GMPS: variants seen among roughly 807,000 people sequenced by gnomAD.
GMPS encodes the protein GMP synthase [glutamine-hydrolyzing].
Under a neutral mutation model 77.9 loss-of-function variants are expected in GMPS, and 15 were observed. The observed-to-expected ratio is 0.19, with a 90% CI of 0.13 to 0.30. The LOEUF (loss-of-function observed/expected upper bound fraction) is 0.30. Among genes scored for constraint, GMPS ranks in the 10% least tolerant of loss-of-function variants. GMPS has a pLI of 1.00. For missense variants in GMPS, 590 were observed against 838.8 expected (o/e 0.70, Z 3.66); for synonymous variants, 224 against 275.9 (o/e 0.81, Z 1.86).
At chr3:155,893,275 T>C (rs1355816140) in intron 1 of GMPS, among the ~76,000 whole-genome samples, 1 of 152,218 alleles carries the variant, frequency 6.6e-6, no homozygotes, top group East Asian at 1.9e-4. Context: ...ATACACATGA[T>C]CACTATATTA....
chr3:155,875,447 T>G (rs911012860), intron 1 of GMPS, among the ~76,000 whole-genome samples: 5 of 152,208 alleles, frequency 3.3e-5, no homozygotes, highest in Non-Finnish European at 7.4e-5. Flanking sequence ...CCCAGGCTGG[T>G]CTCGAACTCC....
intron 2 of GMPS, among the ~76,000 whole-genome samples, chr3:155,895,732 C>G (rs987550403): frequency 6.6e-6 from 1 of 152,186 alleles, no homozygotes; most frequent in African/African-American, 2.4e-5. Flanking sequence ...ATGGAAGGCT[C>G]AAAGAGTGAT....
At chr3:155,883,302 T>G (rs1326941379) in intron 1 of GMPS, among the ~76,000 whole-genome samples, 1 of 152,168 alleles carries the variant, frequency 6.6e-6, no homozygotes, top group Non-Finnish European at 1.5e-5. Flanking sequence ...CTCAAACTCC[T>G]GAGCTCAAGT....
At chr3:155,870,476 C>A (rs1457955241), upstream of GMPS, 4 of 200,278 alleles carry the variant, frequency 2.0e-5, no homozygotes, top group East Asian at 8.4e-5. Context: ...GAGACCCGGC[C>A]GGCTTTGCCG....
Position 155,931,745 on chromosome 3 carries a change from G to C in GMPS, c.1561-20G>C. ...TATCTTTTGACTATTAAAAATTATT[G>C]ATTATCTTTTTATTTTCAGGGTGAC... is the stretch of plus-strand genomic sequence containing the variant. On this transcript the variant is annotated intron_variant, in intron 12 of 15. Transcript: ENST00000496455. The C allele has an allele frequency of 1.1e-6, 1 of 938,564 alleles. No individual in the cohort carries two copies. The highest frequency in any genetic ancestry group is 1.7e-6 in the Non-Finnish European group (1 of 588,078). 58.1% of individuals were successfully genotyped at this position (938,564 alleles called of 1,614,324 possible).
At chr3:155,904,550 A>G (rs1754823914) in intron 4 of GMPS, among the ~76,000 whole-genome samples, 1 of 152,150 alleles carries the variant, frequency 6.6e-6, no homozygotes, top group South Asian at 2.1e-4. Context: ...CGGCCTCCCA[A>G]AGTGCTGGGA....
chr3:155,925,729 C>G (rs1049946719), intron 12 of GMPS, among the ~76,000 whole-genome samples: 1 of 152,098 alleles, frequency 6.6e-6, no homozygotes, highest in South Asian at 2.1e-4. Context: ...GGTTGGCATG[C>G]TTACTTCTGC....
intron 3 of GMPS, among the ~76,000 whole-genome samples, chr3:155,898,881 C>T (rs980795448): frequency 1.1e-4 from 16 of 152,106 alleles, no homozygotes; most frequent in African/African-American, 7.2e-5. Context: ...TGGTATCTGT[C>T]GGGTGTCTCC....
upstream of GMPS, among the ~76,000 whole-genome samples, chr3:155,869,666 A>G (rs1302858064): frequency 6.6e-6 from 1 of 152,232 alleles, no homozygotes; most frequent in African/African-American, 2.4e-5. Flanking sequence ...AAAGGATAAG[A>G]ACATCAATCC....
chr3:155,886,001 A>G (rs1175552766), intron 1 of GMPS, among the ~76,000 whole-genome samples: 1 of 151,954 alleles, frequency 6.6e-6, no homozygotes, highest in Non-Finnish European at 1.5e-5. Flanking sequence ...TTCTATTTTT[A>G]GTAGAGATGA....
In GMPS at chr3:155,934,759, A is replaced by G. The variant is rs147460976; in HGVS notation, c.1677-157A>G. ...TTCCTATAATCTTATATCTTGTCCT[A>G]TCCATCTGGGGAGTTGAAGTGGGCA... is the stretch of plus-strand genomic sequence containing the variant. On this transcript the variant is annotated intron_variant, in intron 13 of 15. Transcript: ENST00000496455. Among the ~76,000 whole-genome samples, 756 of 152,320 alleles carry G rather than the reference A, an allele frequency of 5.0e-3. 3 individuals carry two copies. The highest frequency in any genetic ancestry group is 6.2e-3 in the Non-Finnish European group (423 of 68,032).
chr3:155,909,052 A>T (rs1280558066), intron 5 of GMPS, among the ~76,000 whole-genome samples: 1 of 152,182 alleles, frequency 6.6e-6, no homozygotes, highest in Non-Finnish European at 1.5e-5. Flanking sequence ...GAACCAAGAG[A>T]GTGGTATGCT....
At chr3:155,871,745 GTCCGGAGT>G (rs1363225908) in intron 1 of GMPS, among the ~76,000 whole-genome samples, 1 of 152,258 alleles carries the variant, frequency 6.6e-6, no homozygotes, top group Non-Finnish European at 1.5e-5. Flanking sequence ...GGCCTGGGCA[GTCCGGAGT>G]TCCGGAGTGC....
chr3:155,922,266 G>T lies in GMPS; in HGVS notation c.1398G>T (p.Leu466Phe). 1 of 1,526,812 alleles carries T rather than the reference G, an allele frequency of 6.5e-7. No homozygotes were observed. The highest frequency in any genetic ancestry group is 2.0e-5 in the Admixed American group (1 of 49,358). 94.6% of individuals were successfully genotyped at this position (1,526,812 alleles called of 1,614,324 possible). A position where few individuals can be genotyped will look rare whatever the true frequency, so the allele number is the denominator to read the frequency against. The change falls in exon 11 of 16, where the codon TTG (leucine) becomes TTT (phenylalanine). Residue 466 changes from leucine (L) to phenylalanine (F), a missense_variant. Physicochemically the swap from Leu to Phe is conservative, Grantham distance 22. Transcript: ENST00000496455. ...ACTTTCCTGAAACCAACAATATTTT[G>T]AAAATAGTAGCTGATTTTTCTGCAA... is the stretch of plus-strand genomic sequence containing the variant. The part of the protein sequence containing the change: ...CKDFPETNNI[L>F]KIVADFSASV...
intron 1 of GMPS, among the ~76,000 whole-genome samples, chr3:155,878,272 G>A (rs1203198298): frequency 6.6e-6 from 1 of 152,154 alleles, no homozygotes; most frequent in African/African-American, 2.4e-5. Context: ...TAAAATATAT[G>A]GTGTTTTGTG....
At chr3:155,903,018 C>T (rs1439228401) in intron 3 of GMPS, among the ~76,000 whole-genome samples, 1 of 152,160 alleles carries the variant, frequency 6.6e-6, no homozygotes, top group Non-Finnish European at 1.5e-5. Context: ...GAATATGCTA[C>T]TCTGAGTTAT....
Position 155,941,316 on chromosome 3 carries a change from A to G in GMPS, c.*3624A>G, listed in dbSNP as rs1469317285. ...CTACTCGGGAGGCTGAGGCAGGAGA[A>G]TGGCCTGAACCCAGGAGGCGGAGCT... On this transcript the variant is annotated 3_prime_UTR_variant, in exon 16 of 16. Coordinates refer to ENST00000496455, the MANE Select transcript of GMPS (RefSeq NM_003875.3). 5.7e-6 allele frequency: 1 copy of G among 176,362 alleles called. No homozygotes were observed. Among genetic ancestry groups the G allele is most frequent in the Admixed American group, 6.4e-5 (1 of 15,664 alleles). 10.9% of individuals were successfully genotyped at this position (176,362 alleles called of 1,614,324 possible).
At chr3:155,932,501 A>G (rs892420907) in intron 13 of GMPS, among the ~76,000 whole-genome samples, 2 of 152,228 alleles carry the variant, frequency 1.3e-5, no homozygotes, top group Non-Finnish European at 2.9e-5. Flanking sequence ...AACTTCTTAC[A>G]TTGGATATAT....
At chr3:155,930,510 G>C (rs1198304548) in intron 12 of GMPS, among the ~76,000 whole-genome samples, 1 of 151,200 alleles carries the variant, frequency 6.6e-6, no homozygotes, top group Non-Finnish European at 1.5e-5. Flanking sequence ...ATTGACAAAT[G>C]GGATCTAATT....
Sources: gnomAD v4.1 joint callset for allele counts (sites outside exome capture counted in the v4.1 genomes callset) on GRCh38, gnomAD v4.1.1 for gene constraint, MANE v1.5 for transcripts, NCBI Gene and HGNC (gene_info 2026-07-23, HGNC 2026-07-21) for gene names.